Variants in STARD13 observed in about 807,000 individuals in gnomAD.
The protein encoded by STARD13 is StAR related lipid transfer domain containing 13, also known as stAR-related lipid transfer protein 13.
A neutral mutation model predicts 106.4 loss-of-function variants in STARD13; 62 were observed. That is an observed-to-expected ratio of 0.58 (90% CI 0.48 to 0.72). STARD13 has a LOEUF of 0.72. Among genes scored for constraint, STARD13 ranks in the 30% least tolerant of loss-of-function variants. STARD13 has a pLI of 0.00. For synonymous variants in STARD13, 565 were observed against 553.0 expected (o/e 1.02, Z -0.31); for missense variants, 1,387 against 1,424.0 (o/e 0.97, Z 0.42).
intron 1 of STARD13, among the ~76,000 whole-genome samples, chr13:33,299,667 C>G (rs1892636978): frequency 6.6e-6 from 1 of 152,194 alleles, no homozygotes; most frequent in Admixed American, 6.5e-5. Flanking sequence ...TACAGAGACA[C>G]TCCATCTGCA....
At chr13:33,673,492 A>G in the STARD13 span, among the ~76,000 whole-genome samples, 13 of 151,564 alleles carry the variant, frequency 8.6e-5, no homozygotes, top group Non-Finnish European at 1.6e-4. Context: ...GATAAGACAG[A>G]ATATATACAT....
the STARD13 span, among the ~76,000 whole-genome samples, chr13:33,451,457 G>A: frequency 6.6e-6 from 1 of 152,144 alleles, no homozygotes; most frequent in African/African-American, 2.4e-5. Flanking sequence ...CCGGACTAGA[G>A]TATGTATACA....
the STARD13 span, among the ~76,000 whole-genome samples, chr13:33,628,579 A>G: frequency 6.6e-6 from 1 of 152,186 alleles, no homozygotes. Flanking sequence ...AACAAGAGAC[A>G]CCTTAGAGAA....
At chr13:33,378,879 G>A in the STARD13 span, among the ~76,000 whole-genome samples, 6 of 152,092 alleles carry the variant, frequency 3.9e-5, no homozygotes, top group African/African-American at 1.4e-4. Context: ...GGAGGCTGAG[G>A]CAGGCAGATA....
chr13:33,663,687 T>C, the STARD13 span, among the ~76,000 whole-genome samples: 1 of 152,228 alleles, frequency 6.6e-6, no homozygotes, highest in Non-Finnish European at 1.5e-5. Context: ...TACTGTTTTC[T>C]ACATTGCCCA....
chr13:33,257,736 G>T (rs1890436514), intron 1 of STARD13, among the ~76,000 whole-genome samples: 1 of 152,200 alleles, frequency 6.6e-6, no homozygotes, highest in Non-Finnish European at 1.5e-5. Context: ...TTATGAACAA[G>T]AAGAAGGTTG....
chr13:33,219,860 A>AGTAT (rs1888259181), intron 1 of STARD13, among the ~76,000 whole-genome samples: 1 of 151,988 alleles, frequency 6.6e-6, no homozygotes, highest in Non-Finnish European at 1.5e-5. Flanking sequence ...AGAGAAGAAA[A>AGTAT]GTATAAAAAT....
chr13:33,167,530 C>G, intron 2 of STARD13, 21 bp downstream of exon 2: 1 of 1,613,198 alleles, frequency 6.2e-7, no homozygotes, highest in Middle Eastern at 1.7e-4. Flanking sequence ...TGTGTAAGAG[C>G]GAAGCGAAGG....
In STARD13 at chr13:33,259,926, G is replaced by A. The variant is rs574770549; in HGVS notation, c.169+25544C>T. Reference sequence around the variant, plus strand: ...GCAGGATAATGCTCGAACTCAGGAGGTGGAAGTTGCAGTGAGCCGAGATCG... The same window carrying A: ...GCAGGATAATGCTCGAACTCAGGAGATGGAAGTTGCAGTGAGCCGAGATCG... On this transcript the variant is annotated intron_variant, in intron 1 of 13. Coordinates refer to ENST00000336934, the MANE Select transcript of STARD13 (RefSeq NM_178006.4). Among the ~76,000 whole-genome samples, 5 of 150,918 alleles carry A rather than the reference G, an allele frequency of 3.3e-5. No homozygotes were observed. In the South Asian group the frequency reaches 1.1e-3, roughly 32 times the overall value.
chr13:33,221,735 T>C (rs1476730469), intron 1 of STARD13, among the ~76,000 whole-genome samples: 2 of 152,214 alleles, frequency 1.3e-5, no homozygotes, highest in African/African-American at 4.8e-5. Flanking sequence ...ATTTGTACAT[T>C]CACATTCATA....
the STARD13 span, among the ~76,000 whole-genome samples, chr13:33,615,912 T>C: frequency 7.1e-4 from 108 of 152,334 alleles, no homozygotes; most frequent in Middle Eastern, 3.4e-3. Flanking sequence ...TATTGCCAAG[T>C]GTTTAATTTC....
intron 1 of STARD13, among the ~76,000 whole-genome samples, chr13:33,179,231 G>C (rs75508945): frequency 0.053 from 8,120 of 152,288 alleles, 282 homozygotes; most frequent in Non-Finnish European, 0.076. Flanking sequence ...GGGCACAAGA[G>C]GGGTAAATAC....
At chr13:33,526,165 A>T in the STARD13 span, among the ~76,000 whole-genome samples, 1 of 152,100 alleles carries the variant, frequency 6.6e-6, no homozygotes, top group South Asian at 2.1e-4. Flanking sequence ...GTGGCCGGCA[A>T]TAATTGTCAC....
intron 1 of STARD13, among the ~76,000 whole-genome samples, chr13:33,343,278 T>TA (rs886456065): frequency 2.5e-4 from 37 of 145,758 alleles, no homozygotes; most frequent in Admixed American, 1.1e-3. Flanking sequence ...AATTATTAAT[T>TA]AAAAAAAAAA....
intron 1 of STARD13, among the ~76,000 whole-genome samples, chr13:33,212,727 T>C (rs1344884478): frequency 6.6e-6 from 1 of 152,206 alleles, no homozygotes; most frequent in African/African-American, 2.4e-5. Context: ...AACTCATGTT[T>C]ATAGTGTGTT....
At chr13:33,264,764 C>T (rs890584901) in intron 1 of STARD13, among the ~76,000 whole-genome samples, 1 of 152,194 alleles carries the variant, frequency 6.6e-6, no homozygotes, top group African/African-American at 2.4e-5. Flanking sequence ...GACTCAGAGG[C>T]TGGGCAGTGG....
chr13:33,417,543 A>T, the STARD13 span, among the ~76,000 whole-genome samples: 23,744 of 152,168 alleles, frequency 0.16, 4,431 homozygotes, highest in African/African-American at 0.44. Flanking sequence ...TGATGAACAG[A>T]TCATCTCTAT....
chr13:33,619,429 C>A, the STARD13 span, among the ~76,000 whole-genome samples: 5,702 of 152,232 alleles, frequency 0.037, 329 homozygotes, highest in African/African-American at 0.13. Flanking sequence ...CATGTTTGAG[C>A]CCCATGTTTG....
intron 3 of STARD13, among the ~76,000 whole-genome samples, chr13:33,147,269 G>T (rs1370409308): frequency 2.0e-5 from 3 of 152,184 alleles, no homozygotes; most frequent in Non-Finnish European, 4.4e-5. Context: ...AATCTAGAAG[G>T]CCAAGTACAT....
Sources: gnomAD v4.1 joint callset for allele counts (sites outside exome capture counted in the v4.1 genomes callset) on GRCh38, gnomAD v4.1.1 for gene constraint, MANE v1.5 for transcripts, NCBI Gene and HGNC (gene_info 2026-07-23, HGNC 2026-07-21) for gene names.